MRTFA: variants seen among roughly 807,000 people sequenced by gnomAD.
The protein encoded by MRTFA is myocardin-related transcription factor A.
A neutral mutation model predicts 83.5 loss-of-function variants in MRTFA; 20 were observed. The ratio of observed to expected loss-of-function variants is 0.24; its 90% CI spans 0.17 to 0.35. MRTFA has a LOEUF of 0.35. Ranked by LOEUF, MRTFA falls within the 10% of genes least tolerant of loss-of-function variation. MRTFA has a pLI of 1.00. For synonymous variants in MRTFA, 659 were observed against 541.2 expected, an observed-to-expected ratio of 1.22 and a Z score of -3.02; for missense variants, 1,200 against 1,224.7, an observed-to-expected ratio of 0.98 and a Z score of 0.30.
intron 7 of MRTFA, among the ~76,000 whole-genome samples, chr22:40,425,434 G>A (rs768901509): frequency 4.6e-5 from 7 of 152,242 alleles, no homozygotes; most frequent in African/African-American, 7.2e-5. Flanking sequence ...AGATAAGGAA[G>A]AGGAACAAAG....
At chr22:40,517,832 G>A (rs752675292) in intron 3 of MRTFA, among the ~76,000 whole-genome samples, 21 of 152,280 alleles carry the variant, frequency 1.4e-4, no homozygotes, top group Non-Finnish European at 2.2e-4. Context: ...AAACAATCAT[G>A]TGTTAGAGGA....
At chr22:40,574,396 T>C (rs2055839150) in intron 2 of MRTFA, among the ~76,000 whole-genome samples, 1 of 152,106 alleles carries the variant, frequency 6.6e-6, no homozygotes, top group Non-Finnish European at 1.5e-5. Flanking sequence ...AACAATACAG[T>C]ATAACAACTA....
chr22:40,420,136 C>A (rs747734030), intron 11 of MRTFA, among the ~76,000 whole-genome samples: 1 of 152,202 alleles, frequency 6.6e-6, no homozygotes, highest in Non-Finnish European at 1.5e-5. Context: ...AAGAGACATG[C>A]GACTGCCTGG....
chr22:40,538,873 T>C (rs1316720432), intron 3 of MRTFA, among the ~76,000 whole-genome samples: 2 of 151,550 alleles, frequency 1.3e-5, no homozygotes, highest in Non-Finnish European at 1.5e-5. Flanking sequence ...TAATTTCCAA[T>C]AGAACAAAAG....
chr22:40,476,220 C>G (rs923707963), intron 3 of MRTFA, among the ~76,000 whole-genome samples: 1 of 151,950 alleles, frequency 6.6e-6, no homozygotes, highest in African/African-American at 2.4e-5. Context: ...AAGCTATTTC[C>G]TGATAACATT....
At chr22:40,506,611 T>C (rs1050652454) in intron 3 of MRTFA, among the ~76,000 whole-genome samples, 2 of 152,232 alleles carry the variant, frequency 1.3e-5, no homozygotes, top group African/African-American at 2.4e-5. Context: ...CAGGGACTTA[T>C]TCCAACCTAC....
At chr22:40,548,099 T>G (rs1315267786) in intron 3 of MRTFA, among the ~76,000 whole-genome samples, 1 of 151,788 alleles carries the variant, frequency 6.6e-6, no homozygotes, top group African/African-American at 2.4e-5. Flanking sequence ...GCCTGTAATC[T>G]CAGCACTGTG....
At chr22:40,414,814 A>T (rs1371473026) in intron 14 of MRTFA, among the ~76,000 whole-genome samples, 3 of 149,992 alleles carry the variant, frequency 2.0e-5, no homozygotes, top group African/African-American at 5.1e-5. Context: ...CTGTGAATGG[A>T]CCTAATACCT....
At chr22:40,459,189 G>A (rs1286327952) in intron 4 of MRTFA, among the ~76,000 whole-genome samples, 1 of 150,108 alleles carries the variant, frequency 6.7e-6, no homozygotes, top group Non-Finnish European at 1.5e-5. Flanking sequence ...AAGGAGTCGG[G>A]GGACACAGGG....
chr22:40,426,720 C>G (rs968311081), intron 7 of MRTFA, among the ~76,000 whole-genome samples: 1 of 152,190 alleles, frequency 6.6e-6, no homozygotes, highest in Non-Finnish European at 1.5e-5. Flanking sequence ...GCCACCAACA[C>G]CTGTTCCCAT....
rs771103539 is a variant in MRTFA, at chr22:40,451,975, G to GTT, written c.307+11244_307+11245dup. On this transcript the variant is annotated intron_variant, in intron 4 of 14. Transcript: ENST00000355630. ...ACCTGGCTGAAGTTTTTTTTTTTTG[G>GTT]TTTTTTTTTTTTTTTTTTTTTTTTT... Among the ~76,000 whole-genome samples, 192 of 80,486 alleles carry GTT rather than the reference G, an allele frequency of 2.4e-3. 3 individuals carry two copies. Among genetic ancestry groups the GTT allele is most frequent in the Non-Finnish European group, 2.3e-3 (101 of 44,308 alleles). The allele number at this position is 80,486 out of a possible 152,430, so 52.8% of individuals were successfully genotyped here. A position where few individuals can be genotyped will look rare whatever the true frequency, so the allele number is the denominator to read the frequency against.
chr22:40,499,997 CCGGCT>C lies in MRTFA; in HGVS notation c.242-36716_242-36712del, dbSNP rs1214344469. ...AATGAAATGGTACGATCTCGGCTCA[CCGGCT>C]CACCGCAACGTCCGCCTCCAGGGTT... On this transcript the variant is annotated intron_variant, in intron 3 of 14. Coordinates refer to ENST00000355630, the MANE Select transcript of MRTFA (RefSeq NM_020831.6). Among the ~76,000 whole-genome samples, 49 of 111,964 alleles carry C rather than the reference CCGGCT, an allele frequency of 4.4e-4. 3 individuals are homozygous for C. The highest frequency in any genetic ancestry group is 1.5e-3 in the African/African-American group (44 of 28,714). 73.5% of individuals were successfully genotyped at this position (111,964 alleles called of 152,430 possible). A position where few individuals can be genotyped will look rare whatever the true frequency, so the allele number is the denominator to read the frequency against.
chr22:40,581,741 T>G (rs755415660), intron 2 of MRTFA, among the ~76,000 whole-genome samples: 11 of 152,192 alleles, frequency 7.2e-5, no homozygotes, highest in Admixed American at 2.0e-4. Context: ...AAAAAAAGTT[T>G]TCTTTGCAAT....
chr22:40,513,345 A>C (rs565527557), intron 3 of MRTFA, among the ~76,000 whole-genome samples: 1 of 152,342 alleles, frequency 6.6e-6, no homozygotes, highest in South Asian at 2.1e-4. Flanking sequence ...TCACGCCTGT[A>C]ATCCCACCAC....
intron 2 of MRTFA, among the ~76,000 whole-genome samples, chr22:40,588,908 G>A (rs1242384443): frequency 2.0e-5 from 3 of 152,116 alleles, no homozygotes; most frequent in African/African-American, 7.2e-5. Flanking sequence ...CTTGAGTCCA[G>A]GAGTGCAAAG....
chr22:40,466,493 G>A (rs1046596554), intron 3 of MRTFA, among the ~76,000 whole-genome samples: 20 of 152,138 alleles, frequency 1.3e-4, no homozygotes, highest in Non-Finnish European at 2.9e-5. Context: ...CATATGCAAT[G>A]TGCCTCTTTG....
Position 40,483,876 on chromosome 22 carries a change from G to A in MRTFA, c.242-20590C>T, listed in dbSNP as rs183826473. ...TGCTTGACCAATTTTTGCTTTTTGG[G>A]GGTTTGTTTTTGTAGAGATGGTGTT... On this transcript the variant is annotated intron_variant, in intron 3 of 14. Coordinates refer to ENST00000355630, the MANE Select transcript of MRTFA (RefSeq NM_020831.6). Among the ~76,000 whole-genome samples the A allele has an allele frequency of 5.3e-5, 8 of 151,618 alleles. No individual in the cohort carries two copies. The East Asian group carries it at 1.4e-3, about 26-fold the overall frequency.
intron 3 of MRTFA, among the ~76,000 whole-genome samples, chr22:40,480,546 C>T (rs1188073090): frequency 6.6e-6 from 1 of 151,974 alleles, no homozygotes; most frequent in Non-Finnish European, 1.5e-5. Context: ...TAGTATGGAA[C>T]ATGTAGAGTA....
rs576201937 is a variant in MRTFA at position 40,462,330 on chromosome 22, TTGAATGAA to T, written c.307+883_307+890del. Reference sequence around the variant, plus strand: ...ATCACATATTAGGTACTCAAAGATTTTGAATGAATGAATGAATGAATGAATGAGAGCTA... The same window carrying T: ...ATCACATATTAGGTACTCAAAGATTTTGAATGAATGAATGAATGAGAGCTA... On this transcript the variant is annotated intron_variant, in intron 4 of 14. Transcript: ENST00000355630. Among the ~76,000 whole-genome samples, 21 of 152,202 alleles carry T rather than the reference TTGAATGAA, an allele frequency of 1.4e-4. No individual in the cohort carries two copies. The East Asian group carries it at 2.9e-3, about 21-fold the overall frequency.
Sources: gnomAD v4.1 joint callset for allele counts (sites outside exome capture counted in the v4.1 genomes callset) on GRCh38, gnomAD v4.1.1 for gene constraint, MANE v1.5 for transcripts, NCBI Gene and HGNC (gene_info 2026-07-23, HGNC 2026-07-21) for gene names.